Variants in ANKRD11 observed in about 807,000 individuals in gnomAD.
ANKRD11 encodes the protein ankyrin repeat domain 11.
In ANKRD11, 17 loss-of-function variants were observed where a neutral mutation model predicts 195.7. That is an observed-to-expected ratio of 0.09 (90% CI 0.06 to 0.13). The LOEUF (loss-of-function observed/expected upper bound fraction) is 0.13. Ranked by LOEUF, ANKRD11 falls within the 10% of genes least tolerant of loss-of-function variation. ANKRD11 has a pLI of 1.00. For synonymous variants in ANKRD11, 1,953 were observed against 1,528.1 expected, an observed-to-expected ratio of 1.28 and a Z score of -6.49; for missense variants, 3,735 against 3,566.1, an observed-to-expected ratio of 1.05 and a Z score of -1.21.
chr16:89,472,451 G>T (rs1029648156), intron 1 of ANKRD11, among the ~76,000 whole-genome samples: 2 of 152,222 alleles, frequency 1.3e-5, no homozygotes, highest in Admixed American at 6.5e-5. Flanking sequence ...AAGCAAAGGA[G>T]CAGCAAGGCT....
rs2033933776 is a variant in ANKRD11 at position 89,279,141 on chromosome 16, G to C, written c.7401C>G (p.Ala2467=). 6.2e-7 allele frequency: 1 copy of C among 1,613,842 alleles called. No individual in the cohort carries two copies. Among genetic ancestry groups the C allele is most frequent in the Non-Finnish European group, 8.5e-7 (1 of 1,180,008 alleles). The change falls in exon 9 of 13, where the codon GCC becomes GCG. Residue 2467 remains alanine (A), a synonymous_variant. Coordinates refer to ENST00000301030, the MANE Select transcript of ANKRD11 (RefSeq NM_013275.6). This position sits in a 1 kb window ranked among gnomAD's most constrained non-coding sequence, Gnocchi z 5.6. ...CITPQAPQCY[A]EYVTYTGSYL... is the part of the protein sequence containing the mutation. ...AGGAGCCCGTGTAGGTGACGTACTC[G>C]GCGTAGCACTGGGGCGCCTGCGGCG... is the stretch of plus-strand genomic sequence containing the variant.
chr16:89,461,180 ACCCCCC>A (rs33936253), intron 1 of ANKRD11, among the ~76,000 whole-genome samples: 1 of 58,274 alleles, frequency 1.7e-5, no homozygotes, highest in Non-Finnish European at 3.1e-5. Flanking sequence ...ATATCGTATG[ACCCCCC>A]CCCCCCCCTT....
intron 2 of ANKRD11, among the ~76,000 whole-genome samples, chr16:89,358,817 G>GT (rs1318556188): frequency 6.6e-6 from 1 of 151,764 alleles, no homozygotes; most frequent in Non-Finnish European, 1.5e-5. Flanking sequence ...GTTATAGTTT[G>GT]TTTTTTGCCT....
At chr16:89,288,193 G>A (rs1332456797) in intron 7 of ANKRD11, 11 of 610,618 alleles carry the variant, frequency 1.8e-5, no homozygotes, top group Non-Finnish European at 3.2e-5. Context: ...CAGTCCCACA[G>A]TGGTGACGGG....
At chr16:89,416,844 T>G (rs1033478382) in intron 2 of ANKRD11, among the ~76,000 whole-genome samples, 2 of 152,118 alleles carry the variant, frequency 1.3e-5, no homozygotes, top group East Asian at 3.9e-4. Context: ...AGCAGTATCC[T>G]TTTCACAAAG....
At chr16:89,343,383 C>T (rs1236199911) in intron 2 of ANKRD11, among the ~76,000 whole-genome samples, 2 of 152,210 alleles carry the variant, frequency 1.3e-5, no homozygotes, top group Non-Finnish European at 2.9e-5. Flanking sequence ...ATTGCTTAAA[C>T]TGAATTTGTG....
At chr16:89,324,167 G>T in intron 2 of ANKRD11, 1 of 1,121,800 alleles carries the variant, frequency 8.9e-7, no homozygotes, top group East Asian at 6.3e-5. Context: ...CACATTTTCT[G>T]TTATCACGGC....
chr16:89,346,118 G>A (rs1017546943), intron 2 of ANKRD11, among the ~76,000 whole-genome samples: 8 of 151,634 alleles, frequency 5.3e-5, no homozygotes, highest in Non-Finnish European at 8.8e-5. Context: ...GCGTGGTGCC[G>A]GGCGCTTGTA....
At chr16:89,392,243 G>A (rs2041231289) in intron 2 of ANKRD11, 1 of 152,276 alleles carries the variant, frequency 6.6e-6, no homozygotes, top group African/African-American at 2.4e-5. Context: ...CCTTTCTGCA[G>A]AAGGTATAAA....
At chr16:89,416,914 T>C (rs928958617) in intron 2 of ANKRD11, among the ~76,000 whole-genome samples, 1 of 152,138 alleles carries the variant, frequency 6.6e-6, no homozygotes, top group Non-Finnish European at 1.5e-5. Context: ...CCTTTTCCCA[T>C]GTACCTGGCC....
Position 89,375,756 on chromosome 16 carries a change from G to A in ANKRD11, c.-60+42528C>T, listed in dbSNP as rs531165046. Reference sequence around the variant, plus strand: ...CAAGCATGAGCCACTGCACCCAGCCGACTCCGTCTCTTAAAAAAAAAAAAA... The same window carrying A: ...CAAGCATGAGCCACTGCACCCAGCCAACTCCGTCTCTTAAAAAAAAAAAAA... On this transcript the variant is annotated intron_variant, in intron 2 of 12. Coordinates refer to ENST00000301030, the MANE Select transcript of ANKRD11 (RefSeq NM_013275.6). Among the ~76,000 whole-genome samples the A allele has an allele frequency of 5.3e-4, 67 of 125,758 alleles. 2 individuals carry two copies. The highest frequency in any genetic ancestry group is 9.4e-3 in the Middle Eastern group (2 of 212). The allele number at this position is 125,758 out of a possible 152,430, so 82.5% of individuals were successfully genotyped here.
intron 2 of ANKRD11, among the ~76,000 whole-genome samples, chr16:89,365,216 G>A (rs1461656594): frequency 2.6e-5 from 4 of 152,162 alleles, no homozygotes; most frequent in Admixed American, 6.6e-5. Context: ...GTCAGAAGGG[G>A]AAGTTCCAGA....
Position 89,275,143 on chromosome 16 carries a change from G to T in ANKRD11, c.7519C>A (p.Gln2507Lys), listed in dbSNP as rs572878194. 155 of 1,611,860 alleles carry T rather than the reference G, an allele frequency of 9.6e-5. No homozygotes were observed. Among genetic ancestry groups the T allele is most frequent in the Non-Finnish European group, 1.2e-4 (141 of 1,179,348 alleles). The change falls in exon 10 of 13, where the codon CAG (glutamine) becomes AAG (lysine). Residue 2507 changes from glutamine (Q) to lysine (K), a missense_variant. Gln to Lys is a moderately conservative substitution (Grantham distance 53, BLOSUM62 1). Transcript: ENST00000301030. ...AGCTTTCCCCGGACGGCCTCCTGCT[G>T]CCTGAACAGCTCCTTCAGGGGCTCC... is the stretch of plus-strand genomic sequence containing the variant. ...LAEPLKELFR[Q>K]QEAVRGKLRL... is the part of the protein sequence containing the mutation.
intron 11 of ANKRD11, 183 bp downstream of exon 11, chr16:89,274,631 G>T: frequency 2.3e-6 from 2 of 887,326 alleles, no homozygotes; most frequent in Non-Finnish European, 3.5e-6. Flanking sequence ...GTCTGCTGCA[G>T]CCTTCTTGGC....
chr16:89,462,187 C>T (rs927245711), intron 1 of ANKRD11, among the ~76,000 whole-genome samples: 1 of 152,222 alleles, frequency 6.6e-6, no homozygotes, highest in African/African-American at 2.4e-5. Flanking sequence ...CTGCCTGATT[C>T]TCCTGACTCA....
chr16:89,433,591 A>C (rs1374304688), intron 1 of ANKRD11, among the ~76,000 whole-genome samples: 2 of 152,174 alleles, frequency 1.3e-5, no homozygotes, highest in African/African-American at 4.8e-5. Context: ...TGGGCACACC[A>C]CCTTCACCAG....
At chr16:89,448,981 C>A (rs920602988) in intron 1 of ANKRD11, among the ~76,000 whole-genome samples, 1 of 152,204 alleles carries the variant, frequency 6.6e-6, no homozygotes, top group African/African-American at 2.4e-5. Flanking sequence ...AGCCATCAAC[C>A]ATCATAAAGC....
At chr16:89,340,507 T>A (rs2151994223) in intron 2 of ANKRD11, among the ~76,000 whole-genome samples, 1 of 152,330 alleles carries the variant, frequency 6.6e-6, no homozygotes, top group South Asian at 2.1e-4. Context: ...ACTCCTGACT[T>A]CAGGCGATCC....
chr16:89,461,545 TGCCCAG>T (rs1421160401), intron 1 of ANKRD11, among the ~76,000 whole-genome samples: 3 of 152,162 alleles, frequency 2.0e-5, no homozygotes, highest in Non-Finnish European at 4.4e-5. Context: ...TATCTTCATT[TGCCCAG>T]GCTGGTCTCA....
Sources: allele counts gnomAD v4.1 joint callset (sites outside exome capture counted in the v4.1 genomes callset), GRCh38; gene constraint gnomAD v4.1.1; non-coding constraint Gnocchi (gnomAD v3.1); transcripts MANE v1.5; gene names NCBI Gene and HGNC (gene_info 2026-07-23, HGNC 2026-07-21).